Variants in NTRK3 observed in about 807,000 individuals in gnomAD.
NTRK3 encodes the protein neurotrophic receptor tyrosine kinase 3, also known as NT-3 growth factor receptor.
Under a neutral mutation model 91.7 loss-of-function variants are expected in NTRK3, and 24 were observed. The observed-to-expected ratio is 0.26, with a 90% CI of 0.19 to 0.37. NTRK3 has a LOEUF of 0.37. Among genes scored for constraint, NTRK3 ranks in the 10% least tolerant of loss-of-function variants. NTRK3 has a pLI of 1.00. For synonymous variants in NTRK3, 483 were observed against 404.0 expected (o/e 1.20, Z -2.34); for missense variants, 880 against 1,068.9 (o/e 0.82, Z 2.46).
intron 14 of NTRK3, among the ~76,000 whole-genome samples, chr15:87,949,006 T>C (rs573181704): frequency 1.3e-5 from 2 of 152,284 alleles, no homozygotes; most frequent in Admixed American, 6.5e-5. Flanking sequence ...AAGGCATGTG[T>C]TGCTCAAGTT....
chr15:88,084,887 A>G (rs2048361661), intron 13 of NTRK3, among the ~76,000 whole-genome samples: 1 of 152,174 alleles, frequency 6.6e-6, no homozygotes, highest in Non-Finnish European at 1.5e-5. Context: ...TCCCTTTGAC[A>G]AGGGGCATGT....
At position 88,094,353 on chromosome 15, in the gene NTRK3, C is replaced by T. The variant is rs370907072; in HGVS notation, c.1396+31918G>A. ...GCGCGGTGGCGGGCGCCTGTAGTCC[C>T]AGCTACTCAGGAGGCTGAGGCAGGA... On this transcript the variant is annotated intron_variant, in intron 13 of 18. Coordinates refer to ENST00000394480, the Ensembl canonical transcript of NTRK3. Among the ~76,000 whole-genome samples, 5 of 151,762 alleles carry T rather than the reference C, an allele frequency of 3.3e-5. No homozygotes were observed. In the East Asian group the frequency reaches 9.7e-4, roughly 30 times the overall value.
intron 14 of NTRK3, among the ~76,000 whole-genome samples, chr15:87,962,373 C>T (rs1338114624): frequency 6.6e-6 from 1 of 152,144 alleles, no homozygotes. Flanking sequence ...TTGGCCCCAT[C>T]CATGCTCACC....
rs1276529916 is a variant in NTRK3 at position 88,240,063 on chromosome 15, C to A, written c.248+15843G>T. Among the ~76,000 whole-genome samples the A allele has an allele frequency of 3.3e-5, 5 of 152,104 alleles. No homozygotes were observed. The East Asian group carries it at 9.6e-4, about 29-fold the overall frequency. ...ACAGCGACACACACAGACACACACA[C>A]ACACACACACAGGAACAAGGTTCCC... On this transcript the variant is annotated intron_variant, in intron 3 of 18. Coordinates refer to ENST00000394480, the Ensembl canonical transcript of NTRK3. The surrounding 1 kb of genome is among the most constrained non-coding windows in gnomAD (Gnocchi z 4.9).
At chr15:88,035,669 C>T (rs1284341778) in intron 13 of NTRK3, among the ~76,000 whole-genome samples, 2 of 152,092 alleles carry the variant, frequency 1.3e-5, no homozygotes, top group African/African-American at 4.8e-5. Context: ...GTCAAGATCA[C>T]CAGGCACTTC....
chr15:87,915,196 C>A (rs2067365663), intron 17 of NTRK3, among the ~76,000 whole-genome samples: 2 of 152,226 alleles, frequency 1.3e-5, no homozygotes, highest in Admixed American at 6.5e-5. Flanking sequence ...TGCATATACA[C>A]TTGCATATTT....
intron 13 of NTRK3, among the ~76,000 whole-genome samples, chr15:88,112,164 C>T (rs1426281715): frequency 6.6e-6 from 1 of 152,128 alleles, no homozygotes; most frequent in Non-Finnish European, 1.5e-5. Context: ...CCTTGGCCTC[C>T]CAAAGTGCTA....
chr15:87,998,693 A>G (rs552423614), intron 14 of NTRK3, among the ~76,000 whole-genome samples: 1 of 152,352 alleles, frequency 6.6e-6, no homozygotes, highest in East Asian at 1.9e-4. Context: ...AACAGCAAAT[A>G]GAGAAACTTC....
At position 88,213,071 on chromosome 15, in the gene NTRK3, C is replaced by A. The variant is rs115869131; in HGVS notation, c.249-28772G>T. 7.1e-3 allele frequency among the ~76,000 whole-genome samples: 1,087 copies of A among 152,344 alleles called. 13 individuals carry two copies. Among genetic ancestry groups the A allele is most frequent in the African/African-American group, 0.025 (1,036 of 41,578 alleles). On this transcript the variant is annotated intron_variant, in intron 3 of 18. Transcript: ENST00000394480. ...TTTAAGCCATAGTAAAAATGTGCTTCTTTCTATGCCTGACTGAGACTAGCA... is the reference window on the plus strand; with the variant it reads ...TTTAAGCCATAGTAAAAATGTGCTTATTTCTATGCCTGACTGAGACTAGCA...
At chr15:88,149,331 A>C (rs2043169905) in intron 5 of NTRK3, among the ~76,000 whole-genome samples, 2 of 152,114 alleles carry the variant, frequency 1.3e-5, no homozygotes, top group Admixed American at 6.5e-5. Context: ...GTACTGGAGG[A>C]GAAGGGAAAG....
In NTRK3 at chr15:87,962,187, C is replaced by G. The variant is rs185279450; in HGVS notation, c.1586-21434G>C. Among the ~76,000 whole-genome samples the G allele has an allele frequency of 2.4e-4, 37 of 152,298 alleles. 1 individual carries two copies. In the East Asian group the frequency reaches 6.4e-3, roughly 26 times the overall value. On this transcript the variant is annotated intron_variant, in intron 14 of 18. Coordinates refer to ENST00000394480, the Ensembl canonical transcript of NTRK3. ...TTCCCTGTTGCCATTGGATCTTGAT[C>G]CCTAATATCATCACTTTATGCTTGT...
intron 14 of NTRK3, among the ~76,000 whole-genome samples, chr15:87,960,659 A>G (rs180809270): frequency 8.6e-4 from 131 of 152,004 alleles, no homozygotes; most frequent in Admixed American, 2.0e-3. Context: ...TAATTTTTAT[A>G]TTTTTAGTGG....
At chr15:88,163,562 C>T (rs1180711042) in intron 5 of NTRK3, among the ~76,000 whole-genome samples, 2 of 152,196 alleles carry the variant, frequency 1.3e-5, no homozygotes, top group Non-Finnish European at 1.5e-5. Context: ...TGGAGTAAAA[C>T]GACAGCTTTT....
At chr15:87,860,478 A>AT (rs5814309) in exon 19 of NTRK3, 350 of 191,170 alleles carry the variant, frequency 1.8e-3, no homozygotes, top group Middle Eastern at 3.7e-3. Flanking sequence ...TCAAGTTAGA[A>AT]TTTTTTTTTT....
chr15:88,196,779 T>C (rs1345741395), intron 3 of NTRK3, among the ~76,000 whole-genome samples: 1 of 152,226 alleles, frequency 6.6e-6, no homozygotes. Flanking sequence ...CATCTCTCCA[T>C]TCACATGACT....
At chr15:88,119,896 C>T (rs2052515884) in intron 13 of NTRK3, among the ~76,000 whole-genome samples, 2 of 152,182 alleles carry the variant, frequency 1.3e-5, no homozygotes, top group Non-Finnish European at 1.5e-5. Flanking sequence ...ATGGTCCCAG[C>T]CCCCTTTCAG....
intron 15 of NTRK3, among the ~76,000 whole-genome samples, chr15:87,935,988 G>A (rs565536304): frequency 1.3e-5 from 2 of 152,330 alleles, no homozygotes; most frequent in East Asian, 3.9e-4. Flanking sequence ...AGGGTTGGGA[G>A]CTGCCAGTGG....
At chr15:88,133,157 T>C (rs2041536300) in intron 10 of NTRK3, among the ~76,000 whole-genome samples, 2 of 152,142 alleles carry the variant, frequency 1.3e-5, no homozygotes, top group Admixed American at 1.3e-4. Context: ...AAGGTCACTT[T>C]TGAGAACCAC....
intron 13 of NTRK3, among the ~76,000 whole-genome samples, chr15:88,091,691 G>A (rs1238818363): frequency 6.6e-6 from 1 of 152,184 alleles, no homozygotes; most frequent in South Asian, 2.1e-4. Context: ...ACATCAATTA[G>A]TGATGTCTGC....
Sources: gnomAD v4.1 joint callset for allele counts (sites outside exome capture counted in the v4.1 genomes callset) on GRCh38, gnomAD v4.1.1 for gene constraint, Gnocchi (gnomAD v3.1) non-coding constraint, MANE v1.5 for transcripts, NCBI Gene and HGNC (gene_info 2026-07-23, HGNC 2026-07-21) for gene names.